Variants in KIAA1217 observed in about 807,000 individuals in gnomAD.
KIAA1217 encodes sickle tail protein homolog.
A neutral mutation model predicts 163.9 loss-of-function variants in KIAA1217; 88 were observed. The ratio of observed to expected loss-of-function variants is 0.54; its 90% CI spans 0.45 to 0.64. The LOEUF (loss-of-function observed/expected upper bound fraction) is 0.64, where lower values mean the gene tolerates loss of function less well. KIAA1217 is among the 30% of genes least tolerant of loss of function. The pLI is 0.00. For synonymous variants in KIAA1217, 903 were observed against 923.1 expected (o/e 0.98, Z 0.39); for missense variants, 2,372 against 2,475.0 (o/e 0.96, Z 0.88).
chr10:23,976,002 T>C (rs1042143859), intron 1 of KIAA1217, among the ~76,000 whole-genome samples: 1 of 152,186 alleles, frequency 6.6e-6, no homozygotes, highest in African/African-American at 2.4e-5. Context: ...ACTCCTTGCC[T>C]GTCTTTCAAC....
chr10:23,750,658 C>G (rs1017120451), intron 1 of KIAA1217, among the ~76,000 whole-genome samples: 3 of 152,166 alleles, frequency 2.0e-5, no homozygotes, highest in African/African-American at 7.2e-5. Context: ...TCTCTGTTAA[C>G]TCCCCAGTGC....
intron 2 of KIAA1217, among the ~76,000 whole-genome samples, chr10:24,131,327 C>T (rs537139755): frequency 3.4e-4 from 52 of 152,302 alleles, no homozygotes; most frequent in Admixed American, 1.0e-3. Context: ...ATCTCTTTCA[C>T]CAACAACATT....
chr10:24,042,963 T>C (rs755565233), intron 2 of KIAA1217, among the ~76,000 whole-genome samples: 8 of 152,200 alleles, frequency 5.3e-5, no homozygotes, highest in Non-Finnish European at 1.2e-4. Context: ...TAACGTATGG[T>C]TCATTGAAAA....
intron 2 of KIAA1217, among the ~76,000 whole-genome samples, chr10:24,322,269 A>G (rs1051513685): frequency 1.3e-5 from 2 of 152,150 alleles, no homozygotes; most frequent in South Asian, 4.1e-4. Context: ...TTTATTTTTA[A>G]AAAAGCAAAT....
chr10:23,829,960 C>T (rs1213686498), intron 1 of KIAA1217, among the ~76,000 whole-genome samples: 1 of 152,120 alleles, frequency 6.6e-6, no homozygotes, highest in East Asian at 1.9e-4. Context: ...TCAAAGAATT[C>T]TCTGTTGTAC....
chr10:23,984,917 T>G (rs1845910117), intron 1 of KIAA1217, among the ~76,000 whole-genome samples: 1 of 151,154 alleles, frequency 6.6e-6, no homozygotes, highest in Non-Finnish European at 1.5e-5. Flanking sequence ...ATCCCAGAAC[T>G]TAAAGTATTA....
intron 5 of KIAA1217, among the ~76,000 whole-genome samples, chr10:24,471,716 C>G (rs1056397372): frequency 1.3e-5 from 2 of 151,970 alleles, no homozygotes; most frequent in Admixed American, 6.6e-5. Context: ...AACCCCGTCT[C>G]TACTAAAAAT....
chr10:23,832,475 G>A (rs1838254621), intron 1 of KIAA1217, among the ~76,000 whole-genome samples: 1 of 152,062 alleles, frequency 6.6e-6, no homozygotes, highest in Non-Finnish European at 1.5e-5. Context: ...TTACATCACT[G>A]GCCATTGGTG....
chr10:24,075,557 A>C (rs926589572), intron 2 of KIAA1217, among the ~76,000 whole-genome samples: 7 of 151,030 alleles, frequency 4.6e-5, no homozygotes, highest in Non-Finnish European at 8.8e-5. Flanking sequence ...ATGGCTTCCC[A>C]AGTAACCTGA....
rs573687764 is a variant in KIAA1217 at position 23,968,471 on chromosome 10, G to T, written c.-320-38754G>T. 2.0e-5 allele frequency among the ~76,000 whole-genome samples: 3 copies of T among 152,232 alleles called. No individual in the cohort carries two copies. In the South Asian group the frequency reaches 6.2e-4, roughly 32 times the overall value. On this transcript the variant is annotated intron_variant, in intron 1 of 18. Coordinates refer to the KIAA1217 transcript ENST00000376462. ...TTCTTTTTTGTGGTTGTTTTTGACAGCTTTATTGAGTCATAATTCACACAG... is the reference window on the plus strand; with the variant it reads ...TTCTTTTTTGTGGTTGTTTTTGACATCTTTATTGAGTCATAATTCACACAG...
At chr10:24,019,089 A>G (rs1847620473) in intron 2 of KIAA1217, among the ~76,000 whole-genome samples, 1 of 152,094 alleles carries the variant, frequency 6.6e-6, no homozygotes, top group African/African-American at 2.4e-5. Context: ...ACAAAGTTTC[A>G]GTTAGACAGG....
rs1033581505 is a variant in KIAA1217, at chr10:23,930,989, T to A, written c.-320-76236T>A. Among the ~76,000 whole-genome samples the A allele has an allele frequency of 2.6e-5, 4 of 152,180 alleles. No homozygotes were observed. In the East Asian group the frequency reaches 7.7e-4, roughly 29 times the overall value. On this transcript the variant is annotated intron_variant, in intron 1 of 18. Transcript: ENST00000376462. ...TTTGCAATTAAAGAATACATGCATATCTTAAGTCTGGTGGAACTATCATCA... is the reference window on the plus strand; with the variant it reads ...TTTGCAATTAAAGAATACATGCATAACTTAAGTCTGGTGGAACTATCATCA...
At chr10:24,521,041 A>AAAT (rs1592630294) in intron 11 of KIAA1217, among the ~76,000 whole-genome samples, 2 of 136,498 alleles carry the variant, frequency 1.5e-5, no homozygotes, top group Non-Finnish European at 3.1e-5. Flanking sequence ...AAAAAAAAAA[A>AAAT]GTTTTTTTTT....
intron 1 of KIAA1217, among the ~76,000 whole-genome samples, chr10:23,950,318 G>A (rs1231654044): frequency 1.3e-5 from 2 of 152,172 alleles, no homozygotes; most frequent in African/African-American, 4.8e-5. Flanking sequence ...TACAAAAAAA[G>A]TTCAAATGCT....
At chr10:24,038,011 A>T (rs529911140) in intron 2 of KIAA1217, among the ~76,000 whole-genome samples, 6 of 152,330 alleles carry the variant, frequency 3.9e-5, no homozygotes, top group Non-Finnish European at 8.8e-5. Context: ...TGAGGTAAGG[A>T]TAGAAACAAA....
rs1835324530 is a variant in KIAA1217 at position 23,782,956 on chromosome 10, T to C, written c.-321+87722T>C. ...ATTACAGTTTTCCCCCATTAATTAT[T>C]ATGTTAGCTGGAGGCCTTTCATAAA... On this transcript the variant is annotated intron_variant, in intron 1 of 18. Coordinates refer to the KIAA1217 transcript ENST00000376462. 2.0e-5 allele frequency among the ~76,000 whole-genome samples: 3 copies of C among 152,322 alleles called. No individual in the cohort carries two copies. The South Asian group carries it at 6.2e-4, about 32-fold the overall frequency.
At chr10:23,960,512 C>T (rs1469879490) in intron 1 of KIAA1217, among the ~76,000 whole-genome samples, 2 of 152,158 alleles carry the variant, frequency 1.3e-5, no homozygotes, top group African/African-American at 4.8e-5. Context: ...CTGCCTTGGC[C>T]TCCCAAAGTG....
intron 2 of KIAA1217, among the ~76,000 whole-genome samples, chr10:24,364,005 T>G (rs1469754621): frequency 1.3e-5 from 2 of 151,262 alleles, no homozygotes; most frequent in Admixed American, 1.3e-4. Flanking sequence ...TGAGACAGTG[T>G]TTTGCTCTTG....
At chr10:24,449,108 AG>A (rs2061191194) in intron 5 of KIAA1217, among the ~76,000 whole-genome samples, 1 of 152,250 alleles carries the variant, frequency 6.6e-6, no homozygotes, top group South Asian at 2.1e-4. Context: ...TTGATAAGGA[AG>A]GACTCTTACA....
Sources: gnomAD v4.1 joint callset for allele counts (sites outside exome capture counted in the v4.1 genomes callset) on GRCh38, gnomAD v4.1.1 for gene constraint, MANE v1.5 for transcripts, NCBI Gene and HGNC (gene_info 2026-07-23, HGNC 2026-07-21) for gene names.